Variants in FRAS1 observed in about 807,000 individuals in gnomAD.
FRAS1 encodes the protein extracellular matrix organizing protein FRAS1.
In FRAS1, 290 loss-of-function variants were observed where a neutral mutation model predicts 435.2. The observed-to-expected ratio is 0.67, with a 90% confidence interval of 0.61 to 0.73. FRAS1 has a LOEUF of 0.73. Among genes scored for constraint, FRAS1 ranks in the 30% least tolerant of loss-of-function variants. FRAS1 has a pLI of 0.00. For synonymous variants in FRAS1, 1,800 were observed against 1,851.0 expected (o/e 0.97, Z 0.71); for missense variants, 4,860 against 5,001.5 (o/e 0.97, Z 0.85).
chr4:78,142,682 A>T (rs1034617191), intron 2 of FRAS1, among the ~76,000 whole-genome samples: 1 of 152,328 alleles, frequency 6.6e-6, no homozygotes, highest in South Asian at 2.1e-4. Flanking sequence ...AAAATAATTC[A>T]AAATATATGC....
rs1742206100 is a variant in FRAS1 at position 78,102,923 on chromosome 4, T to C, written c.108+36907T>C. ...TAACAAAACGCTTTTGGAAATGGCA[T>C]GGGGTGTATATGGCTTCCCCTTCCA... On this transcript the variant is annotated intron_variant, in intron 2 of 73. Transcript: ENST00000512123. Among the ~76,000 whole-genome samples, 4 of 152,318 alleles carry C rather than the reference T, an allele frequency of 2.6e-5. 1 individual carries two copies. In the South Asian group the frequency reaches 8.3e-4, roughly 32 times the overall value.
At chr4:78,519,547 A>G in intron 67 of FRAS1, 66 bp downstream of exon 67, 1 of 1,536,184 alleles carries the variant, frequency 6.5e-7, no homozygotes, top group Non-Finnish European at 8.8e-7. Context: ...TTAAAAGAAG[A>G]GTAGTGACTT....
intron 2 of FRAS1, among the ~76,000 whole-genome samples, chr4:78,115,478 A>T (rs953635454): frequency 4.6e-5 from 7 of 152,084 alleles, no homozygotes; most frequent in Middle Eastern, 3.2e-3. Context: ...TTTGGTTGGT[A>T]AGCTATTAAT....
intron 60 of FRAS1, 26 bp downstream of exon 60, chr4:78,496,987 A>C (rs765632810): frequency 6.3e-7 from 1 of 1,592,756 alleles, no homozygotes; most frequent in South Asian, 1.1e-5. Context: ...ATCTTTAGTT[A>C]CTCTTAGGTT....
intron 55 of FRAS1, 137 bp downstream of exon 55, chr4:78,478,198 C>A: frequency 2.1e-6 from 2 of 932,034 alleles, no homozygotes; most frequent in Non-Finnish European, 3.1e-6. Flanking sequence ...CATTTGGTTC[C>A]CACAACAACC....
At position 78,307,994 on chromosome 4, in the gene FRAS1, A is replaced by G. The variant is rs549203600; in HGVS notation, c.1535-72A>G. 1.0e-5 allele frequency: 15 copies of G among 1,456,898 alleles called. No homozygotes were observed. The South Asian group carries it at 2.0e-4, about 20-fold the overall frequency. 90.2% of individuals were successfully genotyped at this position (1,456,898 alleles called of 1,614,324 possible). On this transcript the variant is annotated intron_variant, in intron 14 of 73. Coordinates refer to ENST00000512123, the MANE Select transcript of FRAS1 (RefSeq NM_025074.7). Reference sequence around the variant, plus strand: ...TGACATCCTCCTTGTGTATTCTAAAATATTTAAAAGAAAAATGATGACCAG... The same window carrying G: ...TGACATCCTCCTTGTGTATTCTAAAGTATTTAAAAGAAAAATGATGACCAG...
At chr4:78,354,806 C>G (rs1730787504) in intron 20 of FRAS1, among the ~76,000 whole-genome samples, 1 of 152,174 alleles carries the variant, frequency 6.6e-6, no homozygotes, top group Non-Finnish European at 1.5e-5. Flanking sequence ...TCCATAAAAC[C>G]AACATCCAAA....
intron 2 of FRAS1, among the ~76,000 whole-genome samples, chr4:78,124,897 T>C (rs546942884): frequency 1.3e-5 from 2 of 152,314 alleles, no homozygotes; most frequent in East Asian, 3.9e-4. Context: ...TTATTAGTCT[T>C]GCTAGTGGTC....
At chr4:78,456,802 A>G (rs983623546) in intron 47 of FRAS1, among the ~76,000 whole-genome samples, 2 of 152,216 alleles carry the variant, frequency 1.3e-5, no homozygotes, top group African/African-American at 4.8e-5. Flanking sequence ...CTAAAAGGCC[A>G]GTTGTGGATT....
In FRAS1 at chr4:78,499,719, A is replaced by C. The variant is rs1486657408; in HGVS notation, c.9116-2A>C. 1 of 1,612,990 alleles carries C rather than the reference A, an allele frequency of 6.2e-7. No homozygotes were observed. The highest frequency in any genetic ancestry group is 1.3e-5 in the African/African-American group (1 of 74,890). On this transcript the variant is annotated splice_acceptor_variant, in intron 60 of 73. Transcript: ENST00000512123. LOFTEE classifies it high-confidence loss of function. ...CTTGTTTTCCTAACCATATTTCCTTAGCCCCCACCATTGAGTTTGAAGAAG... is the reference window on the plus strand; with the variant it reads ...CTTGTTTTCCTAACCATATTTCCTTCGCCCCCACCATTGAGTTTGAAGAAG...
At chr4:78,344,186 C>T (rs1181319599) in intron 20 of FRAS1, among the ~76,000 whole-genome samples, 2 of 151,922 alleles carry the variant, frequency 1.3e-5, no homozygotes, top group African/African-American at 4.8e-5. Context: ...TACCATTTAC[C>T]TAGCACTTGG....
chr4:78,089,761 A>G (rs1741409659), intron 2 of FRAS1, among the ~76,000 whole-genome samples: 2 of 152,044 alleles, frequency 1.3e-5, no homozygotes, highest in South Asian at 4.2e-4. Flanking sequence ...TTTCTTTTTT[A>G]ACTTTTATTT....
Position 78,337,606 on chromosome 4 carries a change from C to T in FRAS1, c.2279-68C>T, listed in dbSNP as rs1578260603. 51 of 1,504,022 alleles carry T rather than the reference C, an allele frequency of 3.4e-5. No homozygotes were observed. The East Asian group carries it at 1.2e-3, about 34-fold the overall frequency. 93.2% of individuals were successfully genotyped at this position (1,504,022 alleles called of 1,614,324 possible). On this transcript the variant is annotated intron_variant, in intron 19 of 73. Coordinates refer to ENST00000512123, the MANE Select transcript of FRAS1 (RefSeq NM_025074.7). The stretch of plus-strand genomic sequence containing the variant: ...TGCTTTTAATGTAATTTGTGGAATG[C>T]ATTAAATACTTCACGCATATACATG...
chr4:78,209,275 G>A (rs113342553), intron 2 of FRAS1, among the ~76,000 whole-genome samples: 7 of 152,302 alleles, frequency 4.6e-5, no homozygotes, highest in African/African-American at 1.4e-4. Context: ...TGCTCCAAAA[G>A]CACCACATAG....
At chr4:78,115,232 A>G (rs1411706504) in intron 2 of FRAS1, among the ~76,000 whole-genome samples, 7 of 152,024 alleles carry the variant, frequency 4.6e-5, no homozygotes, top group Non-Finnish European at 2.9e-5. Flanking sequence ...TCGGTTTGCC[A>G]GTATTTTATT....
chr4:78,124,864 T>C (rs886100641), intron 2 of FRAS1, among the ~76,000 whole-genome samples: 1 of 152,200 alleles, frequency 6.6e-6, no homozygotes, highest in Admixed American at 6.5e-5. Flanking sequence ...TATCATCTAT[T>C]TGATTCTTCT....
At chr4:78,259,117 T>G (rs1311369184) in intron 6 of FRAS1, among the ~76,000 whole-genome samples, 11 of 82,626 alleles carry the variant, frequency 1.3e-4, no homozygotes, top group Non-Finnish European at 1.9e-4. Flanking sequence ...TGTTGGACAT[T>G]TGTGTTGGTT....
At chr4:78,460,709 T>C (rs1425620976) in intron 47 of FRAS1, among the ~76,000 whole-genome samples, 1 of 152,226 alleles carries the variant, frequency 6.6e-6, no homozygotes, top group Non-Finnish European at 1.5e-5. Context: ...AACAAACCTG[T>C]GCAACATGTT....
rs1044830722 is a variant in FRAS1, at chr4:78,286,480, A to G, written c.1475A>G (p.His492Arg). The change falls in exon 14 of 74, where the codon CAC becomes CGC. Residue 492 changes from histidine (H) to arginine (R), a missense_variant. Coordinates refer to ENST00000512123, the MANE Select transcript of FRAS1 (RefSeq NM_025074.7). The part of the protein sequence containing the change: ...SSCQPPLLMR[H>R]GQCVPTCGDG... ...TGCCAGCCTCCCCTGCTGATGCGGC[A>G]CGGGCAGTGTGTGCCTACCTGTGGG... The G allele has an allele frequency of 6.2e-7, 1 of 1,613,734 alleles. No homozygotes were observed. Among genetic ancestry groups the G allele is most frequent in the Non-Finnish European group, 8.5e-7 (1 of 1,179,882 alleles).
Sources: allele counts gnomAD v4.1 joint callset (sites outside exome capture counted in the v4.1 genomes callset), GRCh38; gene constraint gnomAD v4.1.1; transcripts MANE v1.5; gene names NCBI Gene and HGNC (gene_info 2026-07-23, HGNC 2026-07-21).